The following LHFPL3 variants were observed in gnomAD, a reference collection of about 807,000 sequenced individuals.
The protein encoded by LHFPL3 is LHFPL tetraspan subfamily member 3 protein.
In LHFPL3, 5 loss-of-function variants were observed where a neutral mutation model predicts 19.3. The observed-to-expected ratio is 0.26, with a 90% CI of 0.14 to 0.54. The LOEUF (loss-of-function observed/expected upper bound fraction) is 0.54, where lower values mean the gene tolerates loss of function less well. Among genes scored for constraint, LHFPL3 ranks in the 20% least tolerant of loss-of-function variants. The pLI is 0.94. For synonymous variants in LHFPL3, 133 were observed against 126.2 expected (o/e 1.05, Z -0.36); for missense variants, 249 against 307.4 (o/e 0.81, Z 1.42).
At chr7:104,515,569 C>T (rs1793904939) in intron 1 of LHFPL3, among the ~76,000 whole-genome samples, 1 of 152,100 alleles carries the variant, frequency 6.6e-6, no homozygotes, top group Non-Finnish European at 1.5e-5. Context: ...TTATTTTTTG[C>T]TGTTATTCAT....
chr7:104,587,125 G>A (rs779692057), intron 1 of LHFPL3, among the ~76,000 whole-genome samples: 2 of 150,982 alleles, frequency 1.3e-5, no homozygotes, highest in Non-Finnish European at 3.0e-5. Context: ...ATGTATTTAT[G>A]TATTTTTATT....
At chr7:104,871,750 C>G (rs1791842190) in intron 2 of LHFPL3, among the ~76,000 whole-genome samples, 1 of 152,032 alleles carries the variant, frequency 6.6e-6, no homozygotes, top group Admixed American at 6.6e-5. Flanking sequence ...CCTCCACCTC[C>G]CAGGTTCCAG....
At position 104,800,617 on chromosome 7, in the gene LHFPL3, G is replaced by C. The variant is rs116332426; in HGVS notation, c.682+63706G>C. Among the ~76,000 whole-genome samples, 601 of 152,222 alleles carry C rather than the reference G, an allele frequency of 3.9e-3. 2 individuals carry two copies. The highest frequency in any genetic ancestry group is 0.014 in the African/African-American group (574 of 41,530). On this transcript the variant is annotated intron_variant, in intron 2 of 2. Coordinates refer to ENST00000424859, the MANE Select transcript of LHFPL3 (RefSeq NM_199000.3). ...AGATACCTCAAAGTCAACCTGTCTA[G>C]ACTGAATTAACTGTCCCTTTAGATC...
intron 2 of LHFPL3, among the ~76,000 whole-genome samples, chr7:104,751,718 C>T (rs915637119): frequency 6.6e-6 from 1 of 152,166 alleles, no homozygotes; most frequent in South Asian, 2.1e-4. Flanking sequence ...CTGTTTTACT[C>T]TCTCTTTCAT....
At chr7:104,427,868 CG>C (rs1265378444) in intron 1 of LHFPL3, among the ~76,000 whole-genome samples, 1 of 152,212 alleles carries the variant, frequency 6.6e-6, no homozygotes, top group African/African-American at 2.4e-5. Flanking sequence ...CAAAACACCT[CG>C]TGCATCAGTT....
At chr7:104,365,758 G>A (rs1186448190) in intron 1 of LHFPL3, among the ~76,000 whole-genome samples, 1 of 116,248 alleles carries the variant, frequency 8.6e-6, no homozygotes, top group African/African-American at 3.0e-5. Context: ...TCCGCAGTCC[G>A]GCCTGGGCGA....
chr7:104,366,921 G>A (rs1176520391), intron 1 of LHFPL3, among the ~76,000 whole-genome samples: 3 of 152,184 alleles, frequency 2.0e-5, no homozygotes, highest in Non-Finnish European at 2.9e-5. Context: ...CAAACAGCCA[G>A]CACTGCTAAA....
intron 1 of LHFPL3, among the ~76,000 whole-genome samples, chr7:104,720,641 A>G (rs1793472020): frequency 1.3e-5 from 2 of 152,168 alleles, no homozygotes; most frequent in Admixed American, 6.5e-5. Context: ...CAATCTACTC[A>G]TCTGACAAAG....
chr7:104,891,660 G>C (rs1792248450), intron 2 of LHFPL3, among the ~76,000 whole-genome samples: 1 of 152,234 alleles, frequency 6.6e-6, no homozygotes, highest in South Asian at 2.1e-4. Flanking sequence ...GAACGCCTGG[G>C]CAGAGGTTGG....
chr7:104,795,396 C>T (rs1404009525), intron 2 of LHFPL3, among the ~76,000 whole-genome samples: 2 of 152,214 alleles, frequency 1.3e-5, no homozygotes, highest in Non-Finnish European at 2.9e-5. Context: ...CTCTCCCCGT[C>T]CCTCGCCTCT....
chr7:104,464,835 A>T (rs1458357235), intron 1 of LHFPL3, among the ~76,000 whole-genome samples: 1 of 151,894 alleles, frequency 6.6e-6, no homozygotes, highest in Admixed American at 6.6e-5. Context: ...CTTGCCCTGG[A>T]GACATTTTCC....
At chr7:104,595,192 C>T (rs1286400826) in intron 1 of LHFPL3, among the ~76,000 whole-genome samples, 1 of 152,232 alleles carries the variant, frequency 6.6e-6, no homozygotes, top group Non-Finnish European at 1.5e-5. Flanking sequence ...TACCTTTGGT[C>T]TTTGATGTTG....
chr7:104,727,226 A>T (rs1001861565), intron 1 of LHFPL3, among the ~76,000 whole-genome samples: 1 of 152,182 alleles, frequency 6.6e-6, no homozygotes, highest in East Asian at 1.9e-4. Flanking sequence ...TCTAAATATT[A>T]GGCCTTTGTC....
chr7:104,495,394 T>A (rs7455373), intron 1 of LHFPL3, among the ~76,000 whole-genome samples: 1 of 151,982 alleles, frequency 6.6e-6, no homozygotes. Context: ...AAATTTTTTT[T>A]CTTTTTTGAG....
intron 1 of LHFPL3, among the ~76,000 whole-genome samples, chr7:104,607,977 C>T (rs532492957): frequency 9.2e-5 from 14 of 152,234 alleles, no homozygotes; most frequent in African/African-American, 3.4e-4. Context: ...GAATGGCAAT[C>T]ATTAAAAAGT....
chr7:104,461,868 T>G lies in LHFPL3; in HGVS notation c.445+132644T>G, dbSNP rs1292206929. Among the ~76,000 whole-genome samples, 4 of 152,240 alleles carry G rather than the reference T, an allele frequency of 2.6e-5. No homozygotes were observed. The East Asian group carries it at 7.7e-4, about 29-fold the overall frequency. ...GTATGGCCATTTTAATAATATTGAT[T>G]CTTCCTATCCATGAGCATGGAATGT... On this transcript the variant is annotated intron_variant, in intron 1 of 2. Transcript: ENST00000424859.
At chr7:104,337,805 TAGCC>T (rs1260138867) in intron 1 of LHFPL3, among the ~76,000 whole-genome samples, 12 of 152,310 alleles carry the variant, frequency 7.9e-5, no homozygotes, top group Admixed American at 3.3e-4. Flanking sequence ...AAATGATTAA[TAGCC>T]AGCGATATTG....
intron 1 of LHFPL3, among the ~76,000 whole-genome samples, chr7:104,490,672 AT>A (rs1793325475): frequency 6.6e-6 from 1 of 152,294 alleles, no homozygotes; most frequent in African/African-American, 2.4e-5. Flanking sequence ...CTAAACCCCC[AT>A]ATGTTTAAGA....
intron 1 of LHFPL3, among the ~76,000 whole-genome samples, chr7:104,355,421 A>G (rs1356789328): frequency 6.6e-6 from 1 of 152,216 alleles, no homozygotes; most frequent in Non-Finnish European, 1.5e-5. Context: ...GGTGGTGCCC[A>G]GATGAATTTT....
Sources: gnomAD v4.1 joint callset for allele counts (sites outside exome capture counted in the v4.1 genomes callset) on GRCh38, gnomAD v4.1.1 for gene constraint, MANE v1.5 for transcripts, NCBI Gene and HGNC (gene_info 2026-07-23, HGNC 2026-07-21) for gene names.